The following PLCB1 variants were observed in gnomAD, a reference collection of about 807,000 sequenced individuals.
PLCB1 encodes 1-phosphatidylinositol 4,5-bisphosphate phosphodiesterase beta-1.
PLCB1 carries 46 observed loss-of-function variants against 161.8 expected under a neutral mutation model. The ratio of observed to expected loss-of-function variants is 0.28; its 90% CI spans 0.22 to 0.36. The LOEUF is 0.36. Among genes scored for constraint, PLCB1 ranks in the 10% least tolerant of loss-of-function variants. PLCB1 has a pLI of 1.00. For missense variants in PLCB1, 1,016 were observed against 1,472.5 expected (o/e 0.69, Z 5.07); for synonymous variants, 517 against 503.7 (o/e 1.03, Z -0.35).
intron 2 of PLCB1, among the ~76,000 whole-genome samples, chr20:8,217,327 G>A (rs1347170342): frequency 6.6e-6 from 1 of 152,034 alleles, no homozygotes; most frequent in Non-Finnish European, 1.5e-5. Flanking sequence ...TAGAGTTGAA[G>A]GCCAAGATCT....
At position 8,296,545 on chromosome 20, in the gene PLCB1, T is replaced by G. The variant is rs371578214; in HGVS notation, c.178-74837T>G. On this transcript the variant is annotated intron_variant, in intron 2 of 31. Coordinates refer to ENST00000338037, the MANE Select transcript of PLCB1 (RefSeq NM_015192.4). ...TCCCTTTTCCCATTAACTTTGTAGT[T>G]GTGAACAGTTGTCTTGAGGTTAGGA... Among the ~76,000 whole-genome samples, 5 of 152,314 alleles carry G rather than the reference T, an allele frequency of 3.3e-5. No individual in the cohort carries two copies. The East Asian group carries it at 5.8e-4, about 18-fold the overall frequency.
chr20:8,232,990 C>G (rs1433034219), intron 2 of PLCB1, among the ~76,000 whole-genome samples: 6 of 152,248 alleles, frequency 3.9e-5, no homozygotes, highest in South Asian at 2.1e-4. Context: ...TCAGCTCCCT[C>G]TCTCACTCCA....
rs2123500743 is a variant in PLCB1 at position 8,733,230 on chromosome 20, A to T, written c.1889-8A>T. The T allele has an allele frequency of 1.2e-6, 2 of 1,613,408 alleles. No homozygotes were observed. Among genetic ancestry groups the T allele is most frequent in the Non-Finnish European group, 1.7e-6 (2 of 1,179,502 alleles). On this transcript the variant is annotated splice_region_variant and splice_polypyrimidine_tract_variant and intron_variant, in intron 18 of 31. Transcript: ENST00000338037. ...ACTCACAATAAGGCTTGTGTTTTTG[A>T]TACTCAGACCTGGCTATGCAAATAA...
At chr20:8,418,630 G>C (rs1158675665) in intron 3 of PLCB1, among the ~76,000 whole-genome samples, 1 of 151,744 alleles carries the variant, frequency 6.6e-6, no homozygotes, top group Non-Finnish European at 1.5e-5. Context: ...TTTTTTCAGA[G>C]ATGATCATTT....
At chr20:8,315,014 C>G (rs1984575137) in intron 2 of PLCB1, among the ~76,000 whole-genome samples, 1 of 152,178 alleles carries the variant, frequency 6.6e-6, no homozygotes, top group South Asian at 2.1e-4. Context: ...GTCTTCACAT[C>G]TGAGGATGGA....
chr20:8,532,953 G>A (rs1311481194), intron 3 of PLCB1, among the ~76,000 whole-genome samples: 1 of 151,726 alleles, frequency 6.6e-6, no homozygotes, highest in East Asian at 1.9e-4. Flanking sequence ...ATGCTGGTGT[G>A]CTGCACCCAT....
chr20:8,178,766 G>A (rs7268573), intron 2 of PLCB1, among the ~76,000 whole-genome samples: 16 of 152,154 alleles, frequency 1.1e-4, no homozygotes, highest in Middle Eastern at 3.4e-3. Flanking sequence ...TACAGTTTTC[G>A]GTTTTACGTT....
chr20:8,223,903 C>T (rs1979542855), intron 2 of PLCB1, among the ~76,000 whole-genome samples: 1 of 152,080 alleles, frequency 6.6e-6, no homozygotes, highest in African/African-American at 2.4e-5. Context: ...CAATTATGCA[C>T]TAGAAAGCAC....
chr20:8,612,276 T>A (rs1012008773), intron 3 of PLCB1, among the ~76,000 whole-genome samples: 3 of 152,140 alleles, frequency 2.0e-5, no homozygotes, highest in Non-Finnish European at 2.9e-5. Context: ...TCCTGGAACA[T>A]TCATTTGCAT....
At chr20:8,655,271 G>C (rs6140668) in intron 7 of PLCB1, among the ~76,000 whole-genome samples, 5,371 of 152,154 alleles carry the variant, frequency 0.035, 175 homozygotes, top group East Asian at 0.16. Flanking sequence ...CAGCACATGC[G>C]TGCTCGCTAT....
At chr20:8,334,830 T>A (rs1373073436) in intron 2 of PLCB1, among the ~76,000 whole-genome samples, 1 of 152,236 alleles carries the variant, frequency 6.6e-6, no homozygotes, top group Non-Finnish European at 1.5e-5. Flanking sequence ...GACCTACCTC[T>A]GCCCCATGCT....
At chr20:8,262,581 C>G (rs1381303084) in intron 2 of PLCB1, among the ~76,000 whole-genome samples, 1 of 152,154 alleles carries the variant, frequency 6.6e-6, no homozygotes, top group Non-Finnish European at 1.5e-5. Context: ...CTAGGTGTAC[C>G]TGGCTATTTG....
chr20:8,809,686 C>T (rs982492411), intron 31 of PLCB1, among the ~76,000 whole-genome samples: 1 of 151,822 alleles, frequency 6.6e-6, no homozygotes, highest in African/African-American at 2.4e-5. Flanking sequence ...ACATTATTAC[C>T]CATCCTTTAA....
chr20:8,288,680 C>T (rs1055219994), intron 2 of PLCB1, among the ~76,000 whole-genome samples: 2 of 152,060 alleles, frequency 1.3e-5, no homozygotes, highest in Non-Finnish European at 2.9e-5. Flanking sequence ...GGTAGAGGTG[C>T]CAGCTGTTAG....
chr20:8,669,378 A>G (rs1056499940), intron 9 of PLCB1, among the ~76,000 whole-genome samples: 1 of 152,162 alleles, frequency 6.6e-6, no homozygotes, highest in African/African-American at 2.4e-5. Flanking sequence ...TCAAGTGCAT[A>G]TTATTATTCC....
intron 3 of PLCB1, among the ~76,000 whole-genome samples, chr20:8,580,471 T>C (rs190923715): frequency 6.0e-4 from 91 of 152,338 alleles, no homozygotes; most frequent in Middle Eastern, 3.4e-3. Flanking sequence ...TTCGAGGGTT[T>C]TCTTTCCAAT....
Position 8,371,469 on chromosome 20 carries a change from T to G in PLCB1, c.246+19T>G, listed in dbSNP as rs777963196. 2.1e-5 allele frequency: 33 copies of G among 1,561,288 alleles called. No individual in the cohort carries two copies. Among genetic ancestry groups the G allele is most frequent in the Non-Finnish European group, 2.8e-5 (32 of 1,137,532 alleles). ...TCCCAAGGTAGGAGGTTGAGTGTTG[T>G]GCATGCACCAGATGCTGCCTTGATT... On this transcript the variant is annotated intron_variant, in intron 3 of 31. Transcript: ENST00000338037.
At chr20:8,264,930 G>A (rs1395043677) in intron 2 of PLCB1, among the ~76,000 whole-genome samples, 1 of 152,150 alleles carries the variant, frequency 6.6e-6, no homozygotes, top group Non-Finnish European at 1.5e-5. Context: ...CTGCCAACAT[G>A]TATGGTTGGA....
intron 27 of PLCB1, among the ~76,000 whole-genome samples, chr20:8,785,735 C>T (rs1276453876): frequency 6.6e-6 from 1 of 152,056 alleles, no homozygotes; most frequent in Non-Finnish European, 1.5e-5. Context: ...GTGAGTTCTC[C>T]AGCTTAGTCT....
Sources: gnomAD v4.1 joint callset for allele counts (sites outside exome capture counted in the v4.1 genomes callset) on GRCh38, gnomAD v4.1.1 for gene constraint, MANE v1.5 for transcripts, NCBI Gene and HGNC (gene_info 2026-07-23, HGNC 2026-07-21) for gene names.